The following HS2ST1 variants were observed in gnomAD, a reference collection of about 807,000 sequenced individuals.
HS2ST1 encodes the protein heparan sulfate 2-O-sulfotransferase 1, also known as 2-O-sulfotransferase.
HS2ST1 carries 18 observed loss-of-function variants against 42.9 expected under a neutral mutation model. The ratio of observed to expected loss-of-function variants is 0.42; its 90% CI spans 0.29 to 0.62. HS2ST1 has a LOEUF of 0.62. HS2ST1 is among the 20% of genes least tolerant of loss of function. The pLI is 0.21. For missense variants in HS2ST1, 334 were observed against 433.8 expected, an observed-to-expected ratio of 0.77 and a Z score of 2.04; for synonymous variants, 146 against 152.9, an observed-to-expected ratio of 0.95 and a Z score of 0.33.
At chr1:87,023,157 G>A (rs1649994587) in intron 1 of HS2ST1, among the ~76,000 whole-genome samples, 1 of 152,116 alleles carries the variant, frequency 6.6e-6, no homozygotes, top group Non-Finnish European at 1.5e-5. Context: ...GAACTAATGA[G>A]TTGGTATAAC....
chr1:87,091,271 G>A (rs1421338607), intron 3 of HS2ST1, among the ~76,000 whole-genome samples: 1 of 151,926 alleles, frequency 6.6e-6, no homozygotes, highest in Non-Finnish European at 1.5e-5. Context: ...AATAAGCAAA[G>A]ATATATAAAG....
chr1:87,081,758 C>T (rs1044841924), intron 2 of HS2ST1, among the ~76,000 whole-genome samples: 8 of 151,764 alleles, frequency 5.3e-5, no homozygotes, highest in South Asian at 2.1e-4. Flanking sequence ...GAGGCCGAGG[C>T]GGGCAGATCA....
At chr1:87,045,963 C>T in intron 1 of HS2ST1, 1 of 720,602 alleles carries the variant, frequency 1.4e-6, no homozygotes, top group Non-Finnish European at 2.5e-6. Flanking sequence ...GCAACCTCAA[C>T]AGTTTTTGTT....
At chr1:87,091,058 A>G (rs994611154) in intron 3 of HS2ST1, among the ~76,000 whole-genome samples, 5 of 151,968 alleles carry the variant, frequency 3.3e-5, no homozygotes, top group African/African-American at 9.7e-5. Context: ...CATCTGTTAT[A>G]TATGCTTATT....
rs1325395322 is a variant in HS2ST1 at position 86,914,771 on chromosome 1, C to T, written c.-266C>T. ...GTAGAGGGAGGCGAGAGCCCGGCAG[C>T]CGCTTCGCGCTGTTTGCTGCGCGGG... On this transcript the variant is annotated 5_prime_UTR_variant, in exon 1 of 7. Coordinates refer to ENST00000370550, the MANE Select transcript of HS2ST1 (RefSeq NM_012262.4). 4.0e-6 allele frequency: 2 copies of T among 501,294 alleles called. No individual in the cohort carries two copies. Among genetic ancestry groups the T allele is most frequent in the Middle Eastern group, 5.4e-4 (1 of 1,856 alleles). The allele number at this position is 501,294 out of a possible 1,614,324, so 31.1% of individuals were successfully genotyped here.
At chr1:86,941,290 T>G (rs1309936125) in intron 1 of HS2ST1, among the ~76,000 whole-genome samples, 1 of 152,110 alleles carries the variant, frequency 6.6e-6, no homozygotes, top group African/African-American at 2.4e-5. Context: ...TTATATAATA[T>G]TCCTCATTTT....
chr1:87,013,412 T>G (rs1649659929), intron 1 of HS2ST1, among the ~76,000 whole-genome samples: 1 of 152,236 alleles, frequency 6.6e-6, no homozygotes, highest in Non-Finnish European at 1.5e-5. Context: ...TTGGCCCCTT[T>G]TAGCCATGGC....
At chr1:86,944,050 C>A (rs932813353) in intron 1 of HS2ST1, among the ~76,000 whole-genome samples, 1 of 151,928 alleles carries the variant, frequency 6.6e-6, no homozygotes, top group Non-Finnish European at 1.5e-5. Context: ...TTTTAGAAGT[C>A]ACCTTGAAAC....
At chr1:87,023,130 A>G (rs2390215) in intron 1 of HS2ST1, among the ~76,000 whole-genome samples, 105,972 of 152,124 alleles carry the variant, frequency 0.7, 39,200 homozygotes, top group East Asian at 0.97. Context: ...TCAAATTTCA[A>G]AGTTAGTGTA....
chr1:86,982,110 C>G (rs1021219234), intron 1 of HS2ST1, among the ~76,000 whole-genome samples: 4 of 152,238 alleles, frequency 2.6e-5, no homozygotes, highest in African/African-American at 9.6e-5. Flanking sequence ...AAGCAACGGC[C>G]TAAGCTGTAC....
At chr1:86,981,775 C>T (rs887077366) in intron 1 of HS2ST1, among the ~76,000 whole-genome samples, 2 of 152,218 alleles carry the variant, frequency 1.3e-5, no homozygotes, top group Non-Finnish European at 2.9e-5. Flanking sequence ...GCAGCGTTTC[C>T]AGGTACCCAG....
chr1:86,972,081 A>G (rs1469525541), intron 1 of HS2ST1, among the ~76,000 whole-genome samples: 2 of 152,240 alleles, frequency 1.3e-5, no homozygotes, highest in African/African-American at 4.8e-5. Context: ...GAGTTTCATC[A>G]TAAGATTGGT....
intron 5 of HS2ST1, among the ~76,000 whole-genome samples, chr1:87,099,742 T>G (rs1652154682): frequency 6.6e-6 from 1 of 152,242 alleles, no homozygotes; most frequent in African/African-American, 2.4e-5. Flanking sequence ...GATGAGTTCC[T>G]TCTACCTATG....
At chr1:87,032,910 G>A (rs1650274180) in intron 1 of HS2ST1, among the ~76,000 whole-genome samples, 1 of 152,156 alleles carries the variant, frequency 6.6e-6, no homozygotes, top group Admixed American at 6.5e-5. Flanking sequence ...GACCATGTGT[G>A]ATTACTGTCC....
Position 86,965,565 on chromosome 1 carries a change from G to A in HS2ST1, c.124+50405G>A, listed in dbSNP as rs188917576. On this transcript the variant is annotated intron_variant, in intron 1 of 6. Transcript: ENST00000370550. ...GGCTGCGTATTAGAATCACTCTGGG[G>A]AGTTTTAAGAAAACTACCACTGTGT... Among the ~76,000 whole-genome samples the A allele has an allele frequency of 8.6e-3, 1,309 of 152,114 alleles. 23 individuals carry two copies. Among genetic ancestry groups the A allele is most frequent in the African/African-American group, 0.03 (1,234 of 41,472 alleles).
chr1:87,089,770 T>C (rs532871849), intron 3 of HS2ST1, among the ~76,000 whole-genome samples: 2 of 152,180 alleles, frequency 1.3e-5, no homozygotes, highest in East Asian at 3.9e-4. Context: ...TCATACTTCC[T>C]AATAAATGCC....
At chr1:86,954,325 G>C (rs1224607114) in intron 1 of HS2ST1, among the ~76,000 whole-genome samples, 1 of 152,058 alleles carries the variant, frequency 6.6e-6, no homozygotes, top group East Asian at 1.9e-4. Flanking sequence ...CTCCAGCCTG[G>C]GTGACAGAGC....
chr1:87,067,852 A>G (rs570828334), intron 1 of HS2ST1, among the ~76,000 whole-genome samples: 23 of 152,042 alleles, frequency 1.5e-4, no homozygotes, highest in Non-Finnish European at 2.9e-4. Flanking sequence ...TGTTTTTGTC[A>G]GGTTTGTCAA....
intron 1 of HS2ST1, among the ~76,000 whole-genome samples, chr1:86,975,683 A>G (rs972639667): frequency 6.6e-6 from 1 of 152,136 alleles, no homozygotes; most frequent in African/African-American, 2.4e-5. Flanking sequence ...TTTACAGTTT[A>G]AGGCATTGTT....
Sources: allele counts gnomAD v4.1 joint callset (sites outside exome capture counted in the v4.1 genomes callset), GRCh38; gene constraint gnomAD v4.1.1; transcripts MANE v1.5; gene names NCBI Gene and HGNC (gene_info 2026-07-23, HGNC 2026-07-21).